MICAL3: variants seen among roughly 807,000 people sequenced by gnomAD.
MICAL3 encodes the protein microtubule associated monooxygenase, calponin and LIM domain containing 3.
In MICAL3, 62 loss-of-function variants were observed where a neutral mutation model predicts 207.4. The observed-to-expected ratio is 0.30, with a 90% CI of 0.24 to 0.37. MICAL3 has a LOEUF of 0.37. MICAL3 is among the 10% of genes least tolerant of loss of function. The pLI is 1.00. For synonymous variants in MICAL3, 1,077 were observed against 1,069.3 expected, an observed-to-expected ratio of 1.01 and a Z score of -0.14; for missense variants, 2,368 against 2,635.6, an observed-to-expected ratio of 0.90 and a Z score of 2.22.
rs760563043 is a variant in MICAL3 at position 17,896,741 on chromosome 22, C to T, written c.1189G>A (p.Gly397Arg). Residue 397 changes from glycine to arginine, a missense_variant, in exon 8 of 32, where the codon GGG becomes AGG. Physicochemically the swap from Gly to Arg is moderately radical, Grantham distance 125 (BLOSUM62 -2). Coordinates refer to ENST00000441493, the MANE Select transcript of MICAL3 (RefSeq NM_015241.3). The part of the protein sequence containing the change: ...NGHQLLVALV[G>R]DSLLEPFWPM... The stretch of plus-strand genomic sequence containing the variant: ...GCACTCACCTCTAGGAGGCTGTCCC[C>T]GACCAGAGCCACTAGTAACTGGTGT... 1.2e-6 allele frequency: 2 copies of T among 1,613,736 alleles called. No individual in the cohort carries two copies. The highest frequency in any genetic ancestry group is 8.5e-7 in the Non-Finnish European group (1 of 1,179,836).
chr22:17,841,534 C>A lies in MICAL3; in HGVS notation c.2801+288G>T. 1 of 559,988 alleles carries A rather than the reference C, an allele frequency of 1.8e-6. No individual in the cohort carries two copies. The highest frequency in any genetic ancestry group is 2.6e-5 in the South Asian group (1 of 39,212). The allele number at this position is 559,988 out of a possible 1,614,324, so 34.7% of individuals were successfully genotyped here. A position where few individuals can be genotyped will look rare whatever the true frequency, so the allele number is the denominator to read the frequency against. On this transcript the variant is annotated intron_variant, in intron 20 of 31. Coordinates refer to ENST00000441493, the MANE Select transcript of MICAL3 (RefSeq NM_015241.3). The surrounding 1 kb of genome is among the most constrained non-coding windows in gnomAD (Gnocchi z 4.2). The stretch of plus-strand genomic sequence containing the variant: ...CCCTCTGCTGAATCTGTGAATAACC[C>A]GGGGGCAGAGCCTGCCACTTTCCTT...
intron 20 of MICAL3, chr22:17,840,487 T>C (rs1923903567): frequency 6.6e-6 from 1 of 152,248 alleles, no homozygotes; most frequent in Non-Finnish European, 1.5e-5. Context: ...ATGTTTTCTG[T>C]GCTGCCCTCC....
Position 17,893,848 on chromosome 22 carries a change from G to A in MICAL3, c.1506C>T (p.Ser502=). Residue 502 remains serine, a synonymous_variant, in exon 11 of 32, where the codon AGC becomes AGT. Coordinates refer to ENST00000441493, the MANE Select transcript of MICAL3 (RefSeq NM_015241.3). ...ETKDIHLEME[S]LVNSRTTPKL... Reference sequence around the variant, plus strand: ...TGGGGGTGGTTCGGGAATTCACCAGGCTCTCCATTTCCAGGTGAATATCTT... The same window carrying A: ...TGGGGGTGGTTCGGGAATTCACCAGACTCTCCATTTCCAGGTGAATATCTT... 1 of 1,577,360 alleles carries A rather than the reference G, an allele frequency of 6.3e-7. No individual in the cohort carries two copies.
rs528404269 is a variant in MICAL3, at chr22:17,900,309, C to T, written c.847+533G>A. ...GAACGAATGCTTTACAACAAATAAA[C>T]GAACAAACAAAACCTCAGGCTGGGT... On this transcript the variant is annotated intron_variant, in intron 6 of 31. Coordinates refer to ENST00000441493, the MANE Select transcript of MICAL3 (RefSeq NM_015241.3). This position sits in a 1 kb window ranked among gnomAD's most constrained non-coding sequence, Gnocchi z 4.0. Among the ~76,000 whole-genome samples the T allele has an allele frequency of 1.5e-4, 23 of 152,274 alleles. No homozygotes were observed. Among genetic ancestry groups the T allele is most frequent in the African/African-American group, 3.1e-4 (13 of 41,560 alleles).
At chr22:17,825,042 G>A (rs757019783) in intron 22 of MICAL3, among the ~76,000 whole-genome samples, 3 of 152,164 alleles carry the variant, frequency 2.0e-5, no homozygotes, top group Non-Finnish European at 4.4e-5. Flanking sequence ...CACTCTTGCT[G>A]GCGAGGGAAC....
chr22:17,972,074 C>T (rs1354756282), intron 1 of MICAL3, among the ~76,000 whole-genome samples: 1 of 152,198 alleles, frequency 6.6e-6, no homozygotes, highest in Non-Finnish European at 1.5e-5. Context: ...AAGCCCAGTG[C>T]GCTCCTCAAG....
intron 19 of MICAL3, among the ~76,000 whole-genome samples, chr22:17,854,292 A>G (rs1925666920): frequency 6.6e-6 from 1 of 152,164 alleles, no homozygotes; most frequent in African/African-American, 2.4e-5. Context: ...AGGCACAGGA[A>G]GCCCTCACAG....
chr22:18,016,460 C>G (rs941114856), intron 1 of MICAL3, among the ~76,000 whole-genome samples: 11 of 152,088 alleles, frequency 7.2e-5, no homozygotes. Flanking sequence ...AGACAGGTCA[C>G]TGAATGGTTC....
chr22:17,872,166 A>G (rs1602104189), intron 16 of MICAL3, 143 bp from the exon 17 acceptor site: 1 of 692,884 alleles, frequency 1.4e-6, no homozygotes, highest in South Asian at 1.9e-5. Context: ...GCTACGGTCA[A>G]CTGTGCTCTT....
chr22:18,018,593 G>A (rs1924224985), intron 1 of MICAL3, among the ~76,000 whole-genome samples: 1 of 152,008 alleles, frequency 6.6e-6, no homozygotes, highest in African/African-American at 2.4e-5. Flanking sequence ...ATGGTGGTGG[G>A]CACCTGTGGT....
chr22:17,832,234 A>T, intron 20 of MICAL3, 127 bp from the exon 21 acceptor site: 1 of 1,221,608 alleles, frequency 8.2e-7, no homozygotes, highest in Non-Finnish European at 1.1e-6. Flanking sequence ...GGAGAGAGAC[A>T]GGAGGGAGGA....
rs1159618750 is a variant in MICAL3, at chr22:17,887,329, A to G, written c.1998T>C (p.Ser666=). The G allele has an allele frequency of 1.2e-6, 2 of 1,613,682 alleles. No individual in the cohort carries two copies. Among genetic ancestry groups the G allele is most frequent in the South Asian group, 2.2e-5 (2 of 91,046 alleles). ...KLGQTISRKR[S]PKDKKEKDLD... is the part of the protein sequence containing the mutation. The stretch of plus-strand genomic sequence containing the variant: ...AAGAGACTCCTCCACATACCTTGGG[A>G]GAACGCTTCCGAGAGATGGTCTGGC... Residue 666 remains serine, a synonymous_variant, in exon 14 of 32, where the codon TCT becomes TCC. Coordinates refer to ENST00000441493, the MANE Select transcript of MICAL3 (RefSeq NM_015241.3).
chr22:17,831,780 C>A (rs1266942420), intron 21 of MICAL3, 74 bp downstream of exon 21: 4 of 1,504,604 alleles, frequency 2.7e-6, no homozygotes, highest in Non-Finnish European at 3.6e-6. Flanking sequence ...GCCCCAGAAA[C>A]CTCTTACACT....
chr22:17,847,558 C>T (rs1035521428), intron 19 of MICAL3, among the ~76,000 whole-genome samples: 3 of 152,254 alleles, frequency 2.0e-5, no homozygotes, highest in Non-Finnish European at 2.9e-5. Flanking sequence ...TTCTGATAGC[C>T]TATGGGTGTC....
intron 28 of MICAL3, among the ~76,000 whole-genome samples, chr22:17,810,181 G>C (rs962809676): frequency 1.3e-5 from 2 of 150,722 alleles, no homozygotes; most frequent in East Asian, 4.0e-4. Context: ...TCCTGCCTCA[G>C]CCACCCGAGT....
At chr22:17,974,819 G>C (rs1935568261) in intron 1 of MICAL3, among the ~76,000 whole-genome samples, 1 of 151,646 alleles carries the variant, frequency 6.6e-6, no homozygotes, top group African/African-American at 2.4e-5. Flanking sequence ...TGTGTGATGA[G>C]CACTACTGTG....
At chr22:17,896,672 C>T in intron 8 of MICAL3, 52 bp downstream of exon 8, 2 of 1,579,688 alleles carry the variant, frequency 1.3e-6, no homozygotes, top group Non-Finnish European at 1.7e-6. Flanking sequence ...CCCAGATTCA[C>T]TCCTAATTAT....
At chr22:17,916,902 G>A (rs1317378958) in intron 1 of MICAL3, among the ~76,000 whole-genome samples, 2 of 152,052 alleles carry the variant, frequency 1.3e-5, no homozygotes, top group African/African-American at 4.8e-5. Context: ...GTTTCATACT[G>A]TGATCTAGGA....
chr22:17,916,407 C>T (rs556424047), intron 1 of MICAL3, among the ~76,000 whole-genome samples: 13 of 152,320 alleles, frequency 8.5e-5, no homozygotes, highest in Non-Finnish European at 1.8e-4. Context: ...ACACCCAGTC[C>T]TGACCCCACC....
Sources: allele counts gnomAD v4.1 joint callset (sites outside exome capture counted in the v4.1 genomes callset), GRCh38; gene constraint gnomAD v4.1.1; non-coding constraint Gnocchi (gnomAD v3.1); transcripts MANE v1.5; gene names NCBI Gene and HGNC (gene_info 2026-07-23, HGNC 2026-07-21).